The following MMP26 variants were observed in gnomAD, a reference collection of about 807,000 sequenced individuals.
MMP26 encodes matrix metallopeptidase 26.
MMP26 carries 33 observed loss-of-function variants against 31.0 expected under a neutral mutation model. That is an observed-to-expected ratio of 1.06 (90% CI 0.81 to 1.42). The LOEUF (loss-of-function observed/expected upper bound fraction) is 1.42, where lower values mean the gene tolerates loss of function less well. Among genes scored for constraint, MMP26 ranks in the 40% most tolerant of loss-of-function variants. MMP26 has a pLI of 0.00. For synonymous variants in MMP26, 122 were observed against 114.9 expected (o/e 1.06, Z -0.40); for missense variants, 347 against 316.1 (o/e 1.10, Z -0.74).
chr11:4,821,916 C>G, intron 2 of MMP26: 1 of 1,613,980 alleles, frequency 6.2e-7, no homozygotes, highest in Non-Finnish European at 8.5e-7. Context: ...TGCTCTTTGT[C>G]AAGAGGTTGT....
At chr11:4,964,871 AACACATGG>A (rs907323963) in intron 2 of MMP26, among the ~76,000 whole-genome samples, 1 of 152,194 alleles carries the variant, frequency 6.6e-6, no homozygotes, top group African/African-American at 2.4e-5. Flanking sequence ...GAATTATGGG[AACACATGG>A]ACACATGCAG....
intron 2 of MMP26, among the ~76,000 whole-genome samples, chr11:4,959,193 T>G (rs2595983): frequency 0.98 from 145,393 of 148,106 alleles, 71,410 homozygotes; most frequent in East Asian, 1. Flanking sequence ...AGCTGAGATC[T>G]CGCCACCGCA....
At chr11:4,812,998 AGT>A (rs938011809) in intron 2 of MMP26, among the ~76,000 whole-genome samples, 4 of 145,374 alleles carry the variant, frequency 2.8e-5, no homozygotes, top group South Asian at 2.1e-4. Flanking sequence ...TATATGTGCG[AGT>A]GTGTGTGTGT....
At chr11:4,881,091 C>A (rs1485239253) in intron 2 of MMP26, among the ~76,000 whole-genome samples, 12 of 152,124 alleles carry the variant, frequency 7.9e-5, no homozygotes. Context: ...TCTGGTTAGC[C>A]AGCAATGTTG....
rs936310017 is a variant in MMP26 at position 4,749,793 on chromosome 11, A to T, written c.-216-17477A>T. ...CAAAATTTAACTCAAGATGGAATAA[A>T]GACTCAAATGTAAGACCTGAATTTA... On this transcript the variant is annotated intron_variant, in intron 1 of 7. Transcript: ENST00000380390. 2.6e-5 allele frequency among the ~76,000 whole-genome samples: 4 copies of T among 152,304 alleles called. No homozygotes were observed. The South Asian group carries it at 8.3e-4, about 32-fold the overall frequency.
At chr11:4,722,465 A>C (rs1848025499) in intron 1 of MMP26, among the ~76,000 whole-genome samples, 2 of 135,100 alleles carry the variant, frequency 1.5e-5, no homozygotes, top group Non-Finnish European at 3.1e-5. Flanking sequence ...GGCGTGAAGT[A>C]ATTACTTTTT....
chr11:4,841,655 G>A lies in MMP26; in HGVS notation c.-145+74314G>A, dbSNP rs116257927. The stretch of plus-strand genomic sequence containing the variant: ...CCTGTTCTATAAGAAATGCTAGCCC[G>A]AGCATGGCGGCTCACATCTGTAATC... On this transcript the variant is annotated intron_variant, in intron 2 of 7. Transcript: ENST00000380390. 5.7e-3 allele frequency among the ~76,000 whole-genome samples: 863 copies of A among 152,236 alleles called. 11 individuals are homozygous for A. Among genetic ancestry groups the A allele is most frequent in the African/African-American group, 0.02 (823 of 41,548 alleles).
intron 2 of MMP26, chr11:4,908,065 G>C (rs1282604850): frequency 6.2e-7 from 1 of 1,614,174 alleles, no homozygotes. Flanking sequence ...CTTTGGCAGA[G>C]AGGCTTAAGG....
chr11:4,773,595 G>GT (rs3065888), intron 2 of MMP26, among the ~76,000 whole-genome samples: 18,118 of 108,300 alleles, frequency 0.17, 1,261 homozygotes, highest in Middle Eastern at 0.27. Flanking sequence ...TGTTTGTGGG[G>GT]TTTTTTTTTT....
intron 1 of MMP26, among the ~76,000 whole-genome samples, chr11:4,753,358 C>A (rs1848469801): frequency 6.6e-6 from 1 of 152,082 alleles, no homozygotes; most frequent in South Asian, 2.1e-4. Context: ...AATCCCTGAA[C>A]TAAGACATTT....
intron 1 of MMP26, among the ~76,000 whole-genome samples, chr11:4,742,789 T>C (rs913681810): frequency 2.0e-4 from 31 of 152,178 alleles, no homozygotes; most frequent in Non-Finnish European, 3.8e-4. Flanking sequence ...TTATAACTAC[T>C]TTGCAAGGTA....
chr11:4,870,512 A>G (rs1436374428), intron 2 of MMP26, among the ~76,000 whole-genome samples: 1 of 152,104 alleles, frequency 6.6e-6, no homozygotes, highest in African/African-American at 2.4e-5. Flanking sequence ...GGATTTTATA[A>G]TTCTTAGAAT....
chr11:4,949,351 T>G (rs1449359268), intron 2 of MMP26, among the ~76,000 whole-genome samples: 1 of 123,662 alleles, frequency 8.1e-6, no homozygotes, highest in Admixed American at 9.2e-5. Flanking sequence ...TTAAAAGTGT[T>G]ATTTATGTAC....
intron 1 of MMP26, among the ~76,000 whole-genome samples, chr11:4,750,885 A>G (rs1160153439): frequency 6.6e-6 from 1 of 151,874 alleles, no homozygotes. Context: ...CAATATATCC[A>G]TGTAACAAAA....
chr11:4,914,791 C>T, intron 2 of MMP26: 1 of 1,613,992 alleles, frequency 6.2e-7, no homozygotes. Flanking sequence ...TGGGATTCAT[C>T]ACAGGAGGAA....
At chr11:4,932,278 C>A (rs1466543442) in intron 2 of MMP26, among the ~76,000 whole-genome samples, 1 of 152,164 alleles carries the variant, frequency 6.6e-6, no homozygotes, top group African/African-American at 2.4e-5. Flanking sequence ...TCAATTGCCC[C>A]ATCAAGAGAT....
chr11:4,780,373 T>C (rs1360357589), intron 2 of MMP26, among the ~76,000 whole-genome samples: 1 of 149,870 alleles, frequency 6.7e-6, no homozygotes, highest in East Asian at 1.9e-4. Context: ...TTAGCCACTC[T>C]GACATATATG....
intron 1 of MMP26, among the ~76,000 whole-genome samples, chr11:4,762,429 T>C (rs917026557): frequency 6.6e-6 from 1 of 152,196 alleles, no homozygotes; most frequent in Non-Finnish European, 1.5e-5. Context: ...TTAGGGCCTC[T>C]TAATACAGTT....
chr11:4,824,945 G>A (rs1243511176), intron 2 of MMP26, among the ~76,000 whole-genome samples: 2 of 152,012 alleles, frequency 1.3e-5, no homozygotes, highest in Non-Finnish European at 2.9e-5. Flanking sequence ...ATTTGATTCC[G>A]GTTAGTCCAA....
Sources: allele counts gnomAD v4.1 joint callset (sites outside exome capture counted in the v4.1 genomes callset), GRCh38; gene constraint gnomAD v4.1.1; transcripts MANE v1.5; gene names NCBI Gene and HGNC (gene_info 2026-07-23, HGNC 2026-07-21).